MYO16: variants seen among roughly 807,000 people sequenced by gnomAD.
MYO16 encodes the protein unconventional myosin-XVI.
Under a neutral mutation model 205.3 loss-of-function variants are expected in MYO16, and 94 were observed. That is an observed-to-expected ratio of 0.46 (90% confidence interval 0.39 to 0.54). MYO16 has a LOEUF of 0.54. MYO16 is among the 20% of genes least tolerant of loss of function. The pLI, the probability that MYO16 is intolerant of heterozygous loss-of-function variation, is 0.00. For synonymous variants in MYO16, 988 were observed against 954.0 expected, an observed-to-expected ratio of 1.04 and a Z score of -0.66; for missense variants, 2,315 against 2,387.5, an observed-to-expected ratio of 0.97 and a Z score of 0.63.
Position 109,055,275 on chromosome 13 carries a change from A to G in MYO16, c.3130-115A>G. The G allele has an allele frequency of 2.0e-6, 2 of 979,458 alleles. No individual in the cohort carries two copies. Among genetic ancestry groups the G allele is most frequent in the Non-Finnish European group, 1.5e-6 (1 of 658,530 alleles). 60.7% of individuals were successfully genotyped at this position (979,458 alleles called of 1,614,324 possible). A position where few individuals can be genotyped will look rare whatever the true frequency, so the allele number is the denominator to read the frequency against. ...CACACACACACACACACACACACAC[A>G]GAGTAAATGCATAATGAGATTTAAA... On this transcript the variant is annotated intron_variant, in intron 26 of 34. Coordinates refer to ENST00000457511, the MANE Select transcript of MYO16 (RefSeq NM_001198950.3). This position sits in a 1 kb window ranked among gnomAD's most constrained non-coding sequence, Gnocchi z 5.0.
intron 16 of MYO16, among the ~76,000 whole-genome samples, chr13:108,943,560 C>T (rs977797211): frequency 2.0e-5 from 3 of 151,990 alleles, no homozygotes; most frequent in Admixed American, 6.6e-5. Flanking sequence ...TGGGTTTAAG[C>T]GATTCTCCTG....
rs34469246 is a variant in MYO16 at position 108,856,639 on chromosome 13, AT to A, written c.1359+1094del. Among the ~76,000 whole-genome samples, 1,288 of 151,426 alleles carry A rather than the reference AT, an allele frequency of 8.5e-3. 12 individuals are homozygous for A. Among genetic ancestry groups the A allele is most frequent in the African/African-American group, 0.03 (1,229 of 41,222 alleles). Reference sequence around the variant, plus strand: ...CATCTTTTTTCCCAGTATTGTGTTGATTTTTTTTGTCTTAATTATAGAAGCC... The same window carrying A: ...CATCTTTTTTCCCAGTATTGTGTTGATTTTTTTGTCTTAATTATAGAAGCC... On this transcript the variant is annotated intron_variant, in intron 11 of 34. Transcript: ENST00000457511.
rs199777754 is a variant in MYO16 at position 109,140,477 on chromosome 13, C to T, written c.4265C>T (p.Ala1422Val). The change falls in exon 32 of 35, where the codon GCG (alanine) becomes GTG (valine). Residue 1422 changes from alanine (A) to valine (V), a missense_variant. Around this residue, in one of 3 missense-constraint regions of MYO16, gnomAD observed 1,097 missense variants for 1,092.0 expected, o/e 1.00. Transcript: ENST00000457511. This position sits in a 1 kb window ranked among gnomAD's most constrained non-coding sequence, Gnocchi z 8.0. ...CCGCAGTGCGCGCTGCCCCCGGCGG[C>T]GCCTCCGGGTGACGAGGACGACAGC... The part of the protein sequence containing the change: ...GTPQCALPPA[A>V]PPGDEDDSEP... 18,349 of 1,537,932 alleles carry T rather than the reference C, an allele frequency of 0.012. 137 individuals carry two copies. Among genetic ancestry groups the T allele is most frequent in the Non-Finnish European group, 0.014 (16,190 of 1,151,164 alleles).
At chr13:108,999,752 C>T (rs552745503) in intron 21 of MYO16, among the ~76,000 whole-genome samples, 2 of 152,286 alleles carry the variant, frequency 1.3e-5, no homozygotes, top group East Asian at 3.9e-4. Flanking sequence ...TAGAAGTTCA[C>T]ACAAAACCAA....
At chr13:108,625,447 C>T (rs980110847), upstream of MYO16, among the ~76,000 whole-genome samples, 2 of 152,208 alleles carry the variant, frequency 1.3e-5, no homozygotes, top group Admixed American at 6.5e-5. Context: ...TATTTTTTGA[C>T]AACTCAGATA....
intron 14 of MYO16, among the ~76,000 whole-genome samples, chr13:108,889,205 C>T (rs566223667): frequency 1.4e-4 from 22 of 151,842 alleles, no homozygotes; most frequent in African/African-American, 5.3e-4. Flanking sequence ...TCCTTAAAGA[C>T]TTCGATGGGC....
chr13:108,818,155 G>A (rs566609722), intron 7 of MYO16, among the ~76,000 whole-genome samples: 1 of 152,102 alleles, frequency 6.6e-6, no homozygotes, highest in South Asian at 2.1e-4. Context: ...AGACCAAGTC[G>A]GGCTGATCAC....
At chr13:109,200,948 T>C (rs1027065258) in intron 34 of MYO16, among the ~76,000 whole-genome samples, 1 of 152,118 alleles carries the variant, frequency 6.6e-6, no homozygotes, top group Non-Finnish European at 1.5e-5. Context: ...CAGAGTTGTA[T>C]GGTCTATCAA....
intron 1 of MYO16, among the ~76,000 whole-genome samples, chr13:108,645,478 G>A (rs892701820): frequency 6.6e-6 from 1 of 152,114 alleles, no homozygotes; most frequent in African/African-American, 2.4e-5. Flanking sequence ...CTAACATTCA[G>A]AGAACTCAAA....
chr13:108,887,273 G>A (rs1261177627), intron 13 of MYO16, among the ~76,000 whole-genome samples: 2 of 152,092 alleles, frequency 1.3e-5, no homozygotes, highest in South Asian at 2.1e-4. Context: ...ATCCATTAAC[G>A]ACTCGACACT....
the MYO16 span, among the ~76,000 whole-genome samples, chr13:108,577,334 G>A: frequency 2.6e-5 from 4 of 152,198 alleles, no homozygotes; most frequent in Admixed American, 2.0e-4. Context: ...CTATTAGAGA[G>A]CCTCAATGTC....
chr13:108,731,793 C>T (rs1015706391), intron 4 of MYO16, among the ~76,000 whole-genome samples: 2 of 152,192 alleles, frequency 1.3e-5, no homozygotes, highest in African/African-American at 4.8e-5. Context: ...AGGGAAATTA[C>T]AGTTTGTTTA....
chr13:108,889,235 C>A (rs1352029028), intron 14 of MYO16, among the ~76,000 whole-genome samples: 1 of 84,198 alleles, frequency 1.2e-5, no homozygotes, highest in African/African-American at 4.9e-5. Flanking sequence ...ACCTTTGGGG[C>A]CAAAACAGAT....
intron 28 of MYO16, among the ~76,000 whole-genome samples, chr13:109,108,341 G>T (rs1889183220): frequency 6.6e-6 from 1 of 152,094 alleles, no homozygotes. Context: ...AGTGCGTTTG[G>T]GTGATATGTG....
At chr13:108,883,010 T>A in intron 12 of MYO16, 49 bp from the exon 13 acceptor site, 1 of 1,603,590 alleles carries the variant, frequency 6.2e-7, no homozygotes, top group South Asian at 1.1e-5. Context: ...TGAGGAATAC[T>A]GGCGCCTTTT....
intron 9 of MYO16, among the ~76,000 whole-genome samples, 179 bp from the exon 10 acceptor site, chr13:108,844,164 T>C (rs9587707): frequency 0.29 from 43,610 of 152,066 alleles, 6,604 homozygotes; most frequent in Middle Eastern, 0.41. Flanking sequence ...TGAATAAAGT[T>C]TGGAATTAAT....
intron 1 of MYO16, among the ~76,000 whole-genome samples, chr13:108,607,847 A>G (rs972832973): frequency 4.6e-5 from 7 of 152,104 alleles, no homozygotes; most frequent in African/African-American, 2.4e-5. Flanking sequence ...CACCCTCTAC[A>G]GTCCTTCCAG....
chr13:108,677,032 A>G (rs1348665007), intron 2 of MYO16, among the ~76,000 whole-genome samples: 1 of 152,096 alleles, frequency 6.6e-6, no homozygotes, highest in Non-Finnish European at 1.5e-5. Flanking sequence ...GTGTTATGCA[A>G]AGAAGAGGAT....
chr13:109,155,681 A>G (rs912323), intron 32 of MYO16, among the ~76,000 whole-genome samples: 144,538 of 152,302 alleles, frequency 0.95, 69,050 homozygotes, highest in East Asian at 1. Context: ...TTCTGCAAGC[A>G]TTCACAAAGG....
Sources: allele counts gnomAD v4.1 joint callset (sites outside exome capture counted in the v4.1 genomes callset), GRCh38; gene constraint gnomAD v4.1.1; regional missense constraint gnomAD v4.1.1; non-coding constraint Gnocchi (gnomAD v3.1); transcripts MANE v1.5; gene names NCBI Gene and HGNC (gene_info 2026-07-23, HGNC 2026-07-21).